The following TENM3 variants were observed in gnomAD, a reference collection of about 807,000 sequenced individuals.
TENM3 encodes the protein teneurin-3.
In TENM3, 63 loss-of-function variants were observed where a neutral mutation model predicts 255.1. That is an observed-to-expected ratio of 0.25 (90% CI 0.20 to 0.30). The LOEUF is 0.30. TENM3 is among the 10% of genes least tolerant of loss of function. The pLI is 1.00. For missense variants in TENM3, 2,929 were observed against 3,461.1 expected, an observed-to-expected ratio of 0.85 and a Z score of 3.86; for synonymous variants, 1,306 against 1,322.3, an observed-to-expected ratio of 0.99 and a Z score of 0.27.
At chr4:182,785,081 A>T (rs1484791461) in intron 24 of TENM3, among the ~76,000 whole-genome samples, 4 of 146,388 alleles carry the variant, frequency 2.7e-5, no homozygotes, top group Non-Finnish European at 3.0e-5. Context: ...CTCCTCCCCC[A>T]TATTTTTTTT....
the TENM3 span, among the ~76,000 whole-genome samples, chr4:181,629,040 A>T: frequency 0.013 from 1,908 of 152,226 alleles, 20 homozygotes; most frequent in Middle Eastern, 0.02. Flanking sequence ...CTCCTTGAAG[A>T]GGTCCTTCAC....
chr4:182,721,358 TG>T (rs1232521270), intron 13 of TENM3, among the ~76,000 whole-genome samples: 1 of 152,224 alleles, frequency 6.6e-6, no homozygotes, highest in Non-Finnish European at 1.5e-5. Context: ...ATTCTAAATT[TG>T]ATTCTTCCAA....
chr4:181,549,545 A>T, the TENM3 span, among the ~76,000 whole-genome samples: 8 of 152,346 alleles, frequency 5.3e-5, no homozygotes, highest in South Asian at 1.7e-3. Flanking sequence ...ATGTATGCAT[A>T]TGAATGTGTT....
the TENM3 span, among the ~76,000 whole-genome samples, chr4:181,879,323 G>A: frequency 6.6e-6 from 1 of 151,932 alleles, no homozygotes; most frequent in East Asian, 1.9e-4. Flanking sequence ...AGGAAGGAAG[G>A]AAGATGGAAA....
the TENM3 span, among the ~76,000 whole-genome samples, chr4:181,886,163 C>A: frequency 6.6e-6 from 1 of 151,932 alleles, no homozygotes; most frequent in Non-Finnish European, 1.5e-5. Context: ...AGCAATTCTC[C>A]CGCCTCAGCC....
At chr4:182,532,532 C>G (rs962383790) in intron 3 of TENM3, among the ~76,000 whole-genome samples, 55 of 152,150 alleles carry the variant, frequency 3.6e-4, no homozygotes, top group African/African-American at 1.3e-3. Flanking sequence ...TGAACAGTAT[C>G]AGAGGCATTT....
intron 3 of TENM3, among the ~76,000 whole-genome samples, chr4:182,368,200 A>T (rs893912945): frequency 2.0e-5 from 3 of 152,230 alleles, no homozygotes; most frequent in Admixed American, 6.5e-5. Flanking sequence ...AGGGTTTTGC[A>T]GCTGATATAC....
intron 1 of TENM3, among the ~76,000 whole-genome samples, chr4:182,270,940 A>G (rs950867616): frequency 3.3e-5 from 5 of 152,194 alleles, no homozygotes; most frequent in Non-Finnish European, 7.4e-5. Flanking sequence ...TCCTGGGTTG[A>G]TTGACACTGT....
At chr4:182,712,692 G>A (rs1309532350) in intron 12 of TENM3, among the ~76,000 whole-genome samples, 1 of 152,050 alleles carries the variant, frequency 6.6e-6, no homozygotes, top group African/African-American at 2.4e-5. Context: ...AGTGGAGGAG[G>A]GGACACCAAT....
chr4:181,644,649 A>T, the TENM3 span, among the ~76,000 whole-genome samples: 2 of 151,990 alleles, frequency 1.3e-5, no homozygotes, highest in Non-Finnish European at 2.9e-5. Context: ...CCAATCTGTA[A>T]TGTGTAGGCT....
At chr4:181,924,542 A>G in the TENM3 span, among the ~76,000 whole-genome samples, 33 of 152,338 alleles carry the variant, frequency 2.2e-4, no homozygotes, top group Non-Finnish European at 4.0e-4. Context: ...ATGTTATGCT[A>G]CTAGTCTAAT....
chr4:182,604,438 T>C (rs1748211940), intron 4 of TENM3, among the ~76,000 whole-genome samples: 1 of 152,244 alleles, frequency 6.6e-6, no homozygotes. Context: ...GATTATTCAC[T>C]TTTAGGGCAT....
the TENM3 span, among the ~76,000 whole-genome samples, chr4:181,967,141 A>G: frequency 1.3e-5 from 2 of 152,162 alleles, no homozygotes; most frequent in African/African-American, 4.8e-5. Flanking sequence ...CAGAAACTGC[A>G]AATTACAGAC....
intron 3 of TENM3, among the ~76,000 whole-genome samples, chr4:182,470,188 A>G (rs1732979013): frequency 6.6e-6 from 1 of 152,202 alleles, no homozygotes; most frequent in African/African-American, 2.4e-5. Context: ...TCATTTATTA[A>G]CTAGTGAAAA....
chr4:181,778,823 CT>C, the TENM3 span, among the ~76,000 whole-genome samples: 9 of 152,132 alleles, frequency 5.9e-5, no homozygotes, highest in African/African-American at 2.2e-4. Flanking sequence ...GAGTTCCTTA[CT>C]GGAATTTCGC....
the TENM3 span, among the ~76,000 whole-genome samples, chr4:182,005,576 T>C: frequency 1.3e-5 from 2 of 152,202 alleles, no homozygotes; most frequent in African/African-American, 2.4e-5. Flanking sequence ...CCATATGAAA[T>C]TTAAAATAGT....
chr4:182,243,994 C>G (rs1757473985), intron 1 of TENM3, among the ~76,000 whole-genome samples: 1 of 140,724 alleles, frequency 7.1e-6, no homozygotes, highest in African/African-American at 2.7e-5. Context: ...CGCTCTGTCG[C>G]CCAGGCTGGA....
chr4:181,945,754 A>T, the TENM3 span, among the ~76,000 whole-genome samples: 1 of 152,182 alleles, frequency 6.6e-6, no homozygotes, highest in African/African-American at 2.4e-5. Context: ...TCTGTAAAAC[A>T]TTTCCAGTAC....
chr4:182,523,833 T>G (rs200595394), intron 3 of TENM3, among the ~76,000 whole-genome samples: 10 of 62,882 alleles, frequency 1.6e-4, no homozygotes, highest in African/African-American at 4.5e-4. Context: ...AATTATTATT[T>G]CGGAGAGACA....
Sources: allele counts gnomAD v4.1 joint callset (sites outside exome capture counted in the v4.1 genomes callset), GRCh38; gene constraint gnomAD v4.1.1; transcripts MANE v1.5; gene names NCBI Gene and HGNC (gene_info 2026-07-23, HGNC 2026-07-21).